The following NAMPT variants were observed in gnomAD, a reference collection of about 807,000 sequenced individuals.
NAMPT encodes nicotinamide phosphoribosyltransferase, also known as NAmPRTase.
A neutral mutation model predicts 58.7 loss-of-function variants in NAMPT; 7 were observed. That is an observed-to-expected ratio of 0.12 (90% CI 0.07 to 0.22). NAMPT has a LOEUF of 0.22. Among genes scored for constraint, NAMPT ranks in the 10% least tolerant of loss-of-function variants. NAMPT has a pLI of 1.00. For missense variants in NAMPT, 271 were observed against 567.9 expected (o/e 0.48, Z 5.31); for synonymous variants, 145 against 198.1 (o/e 0.73, Z 2.25).
chr7:106,273,412 G>T (rs1792575350), intron 3 of NAMPT, among the ~76,000 whole-genome samples: 1 of 152,120 alleles, frequency 6.6e-6, no homozygotes, highest in Non-Finnish European at 1.5e-5. Flanking sequence ...ATGTGATTTG[G>T]GACAAGGTAA....
chr7:106,285,074 T>A, upstream of NAMPT: 13 of 1,355,578 alleles, frequency 9.6e-6, no homozygotes, highest in South Asian at 1.9e-4. Context: ...GCGGCGCGGG[T>A]GACGGCTGCG....
Position 106,261,620 on chromosome 7 carries a change from C to T in NAMPT, c.1057G>A (p.Gly353Arg). 1 of 1,589,670 alleles carries T rather than the reference C, an allele frequency of 6.3e-7. No individual in the cohort carries two copies. Among genetic ancestry groups the T allele is most frequent in the Non-Finnish European group, 8.6e-7 (1 of 1,158,064 alleles). Residue 353 changes from glycine (G) to arginine (R), a missense_variant, in exon 8 of 11, where the codon GGG becomes AGG. Gly to Arg is a moderately radical substitution (Grantham distance 125). Coordinates refer to ENST00000222553, the MANE Select transcript of NAMPT (RefSeq NM_005746.3). ...LLPPYLRVIQ[G>R]DGVDINTLQE... is the part of the protein sequence containing the mutation. ...AAGGTATTAATATCTACTCCATCCC[C>T]TTGAATAACTCTAAGATAAGGTGGC...
rs1195232436 is a variant in NAMPT, at chr7:106,274,119, A to G, written c.318+827T>C. On this transcript the variant is annotated intron_variant, in intron 3 of 10. Transcript: ENST00000222553. ...GAATTCAAACATACTAGATATAAATATAATACAATCAAGACTAAAAATCAA... is the reference window on the plus strand; with the variant it reads ...GAATTCAAACATACTAGATATAAATGTAATACAATCAAGACTAAAAATCAA... 1.4e-4 allele frequency among the ~76,000 whole-genome samples: 21 copies of G among 150,548 alleles called. No homozygotes were observed. In the Admixed American group the frequency reaches 1.4e-3, roughly 10 times the overall value.
intron 1 of NAMPT, among the ~76,000 whole-genome samples, chr7:106,282,433 T>C (rs1792784015): frequency 6.6e-6 from 1 of 152,206 alleles, no homozygotes; most frequent in Admixed American, 6.5e-5. Flanking sequence ...AGATGACCCT[T>C]TGAGAAGCAA....
chr7:106,274,244 A>G (rs1279409325), intron 3 of NAMPT, among the ~76,000 whole-genome samples: 1 of 151,940 alleles, frequency 6.6e-6, no homozygotes, highest in Non-Finnish European at 1.5e-5. Flanking sequence ...AGTCAAGAAA[A>G]CAGACCTACA....
At chr7:106,285,406 C>A (rs967678123), upstream of NAMPT, 9 of 515,210 alleles carry the variant, frequency 1.7e-5, no homozygotes, top group Non-Finnish European at 2.3e-5. Flanking sequence ...AGCCGGTTCG[C>A]CCGCCCCGCC....
intron 10 of NAMPT, 147 bp from the exon 11 acceptor site, chr7:106,251,340 T>A (rs548314754): frequency 3.2e-6 from 2 of 626,420 alleles, no homozygotes; most frequent in South Asian, 3.8e-5. Flanking sequence ...TAAAAAATGC[T>A]AGTGGAACAA....
At position 106,284,968 on chromosome 7, in the gene NAMPT, C is replaced by G; in HGVS notation, c.-84G>C. ...GAGAAAAATGAGCTTCACCGCGCTC[C>G]GTTGCTTAAGTCACTGCTCGGTCGG... On this transcript the variant is annotated 5_prime_UTR_variant, in exon 1 of 11. Transcript: ENST00000222553. 1.3e-6 allele frequency: 2 copies of G among 1,520,726 alleles called. No individual in the cohort carries two copies. Among genetic ancestry groups the G allele is most frequent in the East Asian group, 2.5e-5 (1 of 39,922 alleles). The allele number at this position is 1,520,726 out of a possible 1,614,324, so 94.2% of individuals were successfully genotyped here.
At chr7:106,264,946 T>A (rs559813004) in intron 6 of NAMPT, among the ~76,000 whole-genome samples, 43 of 151,762 alleles carry the variant, frequency 2.8e-4, no homozygotes, top group Non-Finnish European at 3.5e-4. Flanking sequence ...ATACCTGGGG[T>A]AGTGCAGCAT....
chr7:106,251,252 G>A (rs948868335), intron 10 of NAMPT, 59 bp from the exon 11 acceptor site: 109 of 1,131,580 alleles, frequency 9.6e-5, no homozygotes, highest in Non-Finnish European at 1.5e-5. Flanking sequence ...CCTGAATCCT[G>A]GTTTGATGAA....
chr7:106,258,143 G>A (rs943718167), intron 8 of NAMPT, among the ~76,000 whole-genome samples: 1 of 152,186 alleles, frequency 6.6e-6, no homozygotes, highest in African/African-American at 2.4e-5. Context: ...TGTCTTAGCT[G>A]AAGGAATTCC....
In NAMPT at chr7:106,250,001, C is replaced by T. The variant is rs548365339; in HGVS notation, c.*1082G>A. The T allele has an allele frequency of 1.3e-5, 2 of 152,158 alleles. No homozygotes were observed. The highest frequency in any genetic ancestry group is 3.9e-4 in the East Asian group (2 of 5,184). The allele number at this position is 152,158 out of a possible 1,614,324, so 9.4% of individuals were successfully genotyped here. A position where few individuals can be genotyped will look rare whatever the true frequency, so the allele number is the denominator to read the frequency against. ...CATTTAAGAATGTGCTTCAGTATTA[C>T]TTATTGAGGGCATTCAGTTTAAAAT... is the stretch of plus-strand genomic sequence containing the variant. On this transcript the variant is annotated 3_prime_UTR_variant, in exon 11 of 11. Coordinates refer to ENST00000222553, the MANE Select transcript of NAMPT (RefSeq NM_005746.3).
chr7:106,268,387 T>G (rs1180957303), intron 6 of NAMPT, 77 bp downstream of exon 6: 14 of 1,362,742 alleles, frequency 1.0e-5, no homozygotes, highest in Non-Finnish European at 1.3e-5. Flanking sequence ...GGCTCTGCAG[T>G]TAGGTAAAAT....
chr7:106,252,930 A>G (rs1792128988), intron 10 of NAMPT, 87 bp downstream of exon 10: 2 of 1,474,656 alleles, frequency 1.4e-6, no homozygotes, highest in African/African-American at 2.8e-5. Flanking sequence ...TCTTCCACAA[A>G]AACAATAACA....
chr7:106,277,151 T>C lies in NAMPT; in HGVS notation c.86A>G (p.Asn29Ser), dbSNP rs1217744747. The change falls in exon 2 of 11, where the codon AAC becomes AGC. Residue 29 changes from asparagine (N) to serine (S), a missense_variant. Coordinates refer to ENST00000222553, the MANE Select transcript of NAMPT (RefSeq NM_005746.3). ...KVTHYKQYPP[N>S]TSKVYSYFEC... ...AAAGTAGGAATAAACTTTGCTTGTG[T>C]TGGGTGGATATTGTTTATAGTGAGT... 1 of 1,612,234 alleles carries C rather than the reference T, an allele frequency of 6.2e-7. No homozygotes were observed. The highest frequency in any genetic ancestry group is 8.5e-7 in the Non-Finnish European group (1 of 1,178,648).
chr7:106,259,609 G>C (rs1249646705), intron 8 of NAMPT, among the ~76,000 whole-genome samples: 1 of 152,042 alleles, frequency 6.6e-6, no homozygotes, highest in Non-Finnish European at 1.5e-5. Context: ...ATTTTTAGTA[G>C]AGACGGGGTT....
intron 3 of NAMPT, among the ~76,000 whole-genome samples, chr7:106,274,392 A>G (rs1792593672): frequency 6.6e-6 from 1 of 152,132 alleles, no homozygotes; most frequent in African/African-American, 2.4e-5. Flanking sequence ...TCTATATGCT[A>G]ATGATTTAAC....
Position 106,277,048 on chromosome 7 carries a change from C to T in NAMPT, c.189G>A (p.Gln63=), listed in dbSNP as rs766102391. ...KYEETVFYGL[Q]YILNKYLKGK... ...CTTTTAAGTACTTATTAAGAATGTA[C>T]TGCAACCCATAAAATACTGTTTCCT... Residue 63 remains glutamine, a synonymous_variant, in exon 2 of 11, where the codon CAG becomes CAA. Transcript: ENST00000222553. 4 of 1,594,072 alleles carry T rather than the reference C, an allele frequency of 2.5e-6. No homozygotes were observed. The Admixed American group carries it at 5.0e-5, about 20-fold the overall frequency.
At chr7:106,253,218 T>C in intron 9 of NAMPT, 67 bp from the exon 10 acceptor site, 1 of 1,538,108 alleles carries the variant, frequency 6.5e-7, no homozygotes, top group Non-Finnish European at 8.8e-7. Context: ...AAACACTCCC[T>C]TACAAAAAAG....
Sources: gnomAD v4.1 joint callset for allele counts (sites outside exome capture counted in the v4.1 genomes callset) on GRCh38, gnomAD v4.1.1 for gene constraint, MANE v1.5 for transcripts, NCBI Gene and HGNC (gene_info 2026-07-23, HGNC 2026-07-21) for gene names.